ZBED6: variants seen among roughly 807,000 people sequenced by gnomAD.
ZBED6 encodes zinc finger BED-type containing 6.
A neutral mutation model predicts 58.4 loss-of-function variants in ZBED6; 40 were observed. The observed-to-expected ratio is 0.68, with a 90% CI of 0.53 to 0.89. The LOEUF is 0.89. ZBED6 is among the 40% of genes least tolerant of loss of function. ZBED6 has a pLI of 0.00. For synonymous variants in ZBED6, 439 were observed against 350.6 expected (o/e 1.25, Z -2.82); for missense variants, 1,057 against 1,003.9 (o/e 1.05, Z -0.71).
chr1:203,804,746 C>CT (rs1671696153), intron 1 of ZBED6, among the ~76,000 whole-genome samples: 4 of 149,354 alleles, frequency 2.7e-5, no homozygotes, highest in African/African-American at 9.9e-5. Context: ...TGTCTTGGCT[C>CT]ATTGCAACCT....
exon 1 of ZBED6, chr1:203,800,306 A>G: frequency 1.1e-6 from 1 of 901,592 alleles, no homozygotes; most frequent in Non-Finnish European, 1.8e-6. Flanking sequence ...TTCATCCAAA[A>G]CAGATCATGA....
Position 203,850,086 on chromosome 1 carries a change from T to C in ZBED6, c.*4638+60T>C, listed in dbSNP as rs1318626483. On this transcript the variant is annotated intron_variant, in intron 14 of 16. Transcript: ENST00000550078. ...ATCAAAATTACCAAATTCAACCCAA[T>C]TGTTGCCAGTAACTTCCTGGCAACA... The C allele has an allele frequency of 9.3e-6, 14 of 1,512,436 alleles. No individual in the cohort carries two copies. In the African/African-American group the frequency reaches 1.5e-4, roughly 17 times the overall value. The allele number at this position is 1,512,436 out of a possible 1,614,324, so 93.7% of individuals were successfully genotyped here. A position where few individuals can be genotyped will look rare whatever the true frequency, so the allele number is the denominator to read the frequency against.
intron 1 of ZBED6, among the ~76,000 whole-genome samples, chr1:203,804,092 G>T (rs544701351): frequency 4.0e-5 from 6 of 150,504 alleles, no homozygotes; most frequent in African/African-American, 1.5e-4. Context: ...ATAGTGTTTT[G>T]GTTTTGTTTT....
intron 11 of ZBED6, among the ~76,000 whole-genome samples, chr1:203,844,134 G>C (rs1687237736): frequency 6.6e-6 from 1 of 152,070 alleles, no homozygotes; most frequent in African/African-American, 2.4e-5. Flanking sequence ...TGGGATTACA[G>C]GCGTGAGCCA....
intron 11 of ZBED6, among the ~76,000 whole-genome samples, chr1:203,842,049 G>A (rs556633207): frequency 8.6e-5 from 13 of 150,582 alleles, no homozygotes; most frequent in Admixed American, 4.6e-4. Flanking sequence ...ATGGGCGGCC[G>A]GGCAGAGACA....
intron 11 of ZBED6, among the ~76,000 whole-genome samples, chr1:203,842,159 G>A (rs1453931639): frequency 3.9e-5 from 6 of 152,014 alleles, no homozygotes; most frequent in Non-Finnish European, 8.8e-5. Context: ...CAGACGATGG[G>A]CGGCCAGGCA....
At position 203,818,567 on chromosome 1, in the gene ZBED6, C is replaced by T. The variant is rs773276996; in HGVS notation, c.*2754-3C>T. The stretch of plus-strand genomic sequence containing the variant: ...AAATAGAGTGTTCTCTATTTGTTTA[C>T]AGGGTGACAGCTGCCCATTCCGTCA... On this transcript the variant is annotated splice_polypyrimidine_tract_variant and splice_region_variant and intron_variant, in intron 2 of 16. Transcript: ENST00000550078. 15 of 1,613,708 alleles carry T rather than the reference C, an allele frequency of 9.3e-6. No individual in the cohort carries two copies. In the Middle Eastern group the frequency reaches 4.9e-4, roughly 53 times the overall value.
chr1:203,837,830 G>T, intron 9 of ZBED6, 136 bp from the exon 10 acceptor site: 1 of 772,056 alleles, frequency 1.3e-6, no homozygotes, highest in South Asian at 2.0e-5. Flanking sequence ...GAACTCTAAG[G>T]AAGCTGGTGA....
At chr1:203,848,231 C>T (rs1368692251) in intron 12 of ZBED6, 100 bp from the exon 13 acceptor site, 9 of 955,982 alleles carry the variant, frequency 9.4e-6, no homozygotes, top group East Asian at 5.0e-5. Context: ...TTTATTTGTC[C>T]TGTCTTACTA....
exon 14 of ZBED6, chr1:203,849,752 A>T: frequency 6.2e-7 from 1 of 1,614,000 alleles, no homozygotes; most frequent in Non-Finnish European, 8.5e-7. Flanking sequence ...CTAAAATTCA[A>T]GTCAAGAGAT....
intron 1 of ZBED6, chr1:203,805,927 TC>T: frequency 1.5e-6 from 1 of 659,996 alleles, no homozygotes; most frequent in Non-Finnish European, 2.9e-6. Flanking sequence ...TACCTTCATT[TC>T]CTTTGCTCCC....
intron 3 of ZBED6, among the ~76,000 whole-genome samples, chr1:203,827,265 G>A (rs146177497): frequency 2.6e-3 from 394 of 152,074 alleles, no homozygotes; most frequent in Middle Eastern, 6.8e-3. Flanking sequence ...CTTATACACA[G>A]CTGTTGGAGA....
At chr1:203,821,286 C>T (rs911271715) in intron 3 of ZBED6, among the ~76,000 whole-genome samples, 3 of 152,136 alleles carry the variant, frequency 2.0e-5, no homozygotes, top group Non-Finnish European at 4.4e-5. Flanking sequence ...CCTCCCCAGC[C>T]ATGCAGAACT....
rs539746818 is a variant in ZBED6 at position 203,838,499 on chromosome 1, A to T, written c.*3672+435A>T. Among the ~76,000 whole-genome samples, 76 of 152,308 alleles carry T rather than the reference A, an allele frequency of 5.0e-4. No homozygotes were observed. In the Middle Eastern group the frequency reaches 0.014, roughly 27 times the overall value. ...GACTGTGTCTCAGGCAGAGAGAATA[A>T]CTCCTGCAAAGGCAGAGCTAAGAGT... On this transcript the variant is annotated intron_variant, in intron 10 of 16. Coordinates refer to ENST00000550078, the Ensembl canonical transcript of ZBED6.
At chr1:203,851,213 C>G (rs901724307) in intron 16 of ZBED6, 89 bp downstream of exon 16, 2 of 1,174,478 alleles carry the variant, frequency 1.7e-6, no homozygotes, top group African/African-American at 1.6e-5. Flanking sequence ...ATAACTTTAG[C>G]AACATTCAAA....
intron 10 of ZBED6, 46 bp downstream of exon 10, chr1:203,838,110 C>T: frequency 2.6e-6 from 4 of 1,552,026 alleles, no homozygotes; most frequent in Non-Finnish European, 3.5e-6. Flanking sequence ...AATTATGACA[C>T]TTGTGTCTTG....
At chr1:203,839,856 T>C (rs963749684) in intron 10 of ZBED6, among the ~76,000 whole-genome samples, 3 of 152,110 alleles carry the variant, frequency 2.0e-5, no homozygotes, top group Non-Finnish European at 4.4e-5. Flanking sequence ...CAGACTGGAG[T>C]GCAGTAGCGC....
rs1244796270 is a variant in ZBED6 at position 203,848,412 on chromosome 1, A to G, written c.*4322+5A>G. On this transcript the variant is annotated splice_donor_5th_base_variant and intron_variant, in intron 13 of 16. Coordinates refer to ENST00000550078, the Ensembl canonical transcript of ZBED6. Reference sequence around the variant, plus strand: ...ATTAGAACAGAAGCTAAAGAGGTAAATTTAAGATTATTGTATGGTTTTGTT... The same window carrying G: ...ATTAGAACAGAAGCTAAAGAGGTAAGTTTAAGATTATTGTATGGTTTTGTT... 1 of 1,601,510 alleles carries G rather than the reference A, an allele frequency of 6.2e-7. No individual in the cohort carries two copies. Among genetic ancestry groups the G allele is most frequent in the African/African-American group, 1.3e-5 (1 of 74,510 alleles).
At chr1:203,799,860 G>T in exon 1 of ZBED6, 1 of 1,534,212 alleles carries the variant, frequency 6.5e-7, no homozygotes. Flanking sequence ...CAGTTTGGAA[G>T]ACTTTTTTCC....
Sources: allele counts gnomAD v4.1 joint callset (sites outside exome capture counted in the v4.1 genomes callset), GRCh38; gene constraint gnomAD v4.1.1; transcripts MANE v1.5; gene names NCBI Gene and HGNC (gene_info 2026-07-23, HGNC 2026-07-21).